The following LIMS1 variants were observed in gnomAD, a reference collection of about 807,000 sequenced individuals.
LIMS1 encodes the protein LIM and senescent cell antigen-like-containing domain protein 1.
In LIMS1, 18 loss-of-function variants were observed where a neutral mutation model predicts 44.1. That is an observed-to-expected ratio of 0.41 (90% CI 0.28 to 0.61). LIMS1 has a LOEUF of 0.61. Ranked by LOEUF, LIMS1 falls within the 20% of genes least tolerant of loss-of-function variation. LIMS1 has a pLI of 0.32. For missense variants in LIMS1, 201 were observed against 422.0 expected (o/e 0.48, Z 4.59); for synonymous variants, 93 against 149.1 (o/e 0.62, Z 2.74).
chr2:108,642,354 TTTTG>T (rs1553464986), intron 1 of LIMS1, among the ~76,000 whole-genome samples: 13 of 10,644 alleles, frequency 1.2e-3, no homozygotes, highest in Admixed American at 4.1e-3. Context: ...TTTTTTTTTT[TTTTG>T]TTTTTTGTTT....
chr2:108,661,239 T>A (rs1481176864), intron 2 of LIMS1, among the ~76,000 whole-genome samples: 1 of 149,316 alleles, frequency 6.7e-6, no homozygotes, highest in African/African-American at 2.5e-5. Context: ...CTAGCACACA[T>A]TTTTTTAAGC....
At chr2:108,648,535 A>G (rs933653179) in intron 1 of LIMS1, among the ~76,000 whole-genome samples, 7 of 152,248 alleles carry the variant, frequency 4.6e-5, no homozygotes, top group African/African-American at 1.7e-4. Context: ...AGCTGGAGGC[A>G]TCACGCTACC....
chr2:108,543,457 T>C (rs890177073), intron 1 of LIMS1, among the ~76,000 whole-genome samples: 5 of 152,228 alleles, frequency 3.3e-5, no homozygotes, highest in Admixed American at 2.6e-4. Flanking sequence ...CCAAGAGTTT[T>C]GCCTAGGCCT....
chr2:108,620,961 G>A (rs1419522977), intron 1 of LIMS1, among the ~76,000 whole-genome samples: 1 of 152,190 alleles, frequency 6.6e-6, no homozygotes, highest in African/African-American at 2.4e-5. Flanking sequence ...TAAAACAGCA[G>A]GACCCTTCTT....
chr2:108,552,953 G>C (rs1208837110), intron 1 of LIMS1, among the ~76,000 whole-genome samples: 2 of 152,032 alleles, frequency 1.3e-5, no homozygotes, highest in African/African-American at 4.8e-5. Flanking sequence ...GGAAAATGAA[G>C]GATATTAATC....
At chr2:108,554,676 G>A (rs1278953220) in intron 1 of LIMS1, among the ~76,000 whole-genome samples, 2 of 152,180 alleles carry the variant, frequency 1.3e-5, no homozygotes, top group African/African-American at 4.8e-5. Flanking sequence ...CAGCTGAGAG[G>A]AGTGTGCTGG....
At chr2:108,642,343 TTTTTTTTTTTTTTTGTTTTTTG>T (rs1223677657) in intron 1 of LIMS1, among the ~76,000 whole-genome samples, 3,589 of 12,896 alleles carry the variant, frequency 0.28, 375 homozygotes, top group East Asian at 0.47. Flanking sequence ...GTGTTTTTTG[TTTTTTTTTTTTTTTGTTTTTTG>T]TTTTTTTTTT....
chr2:108,684,206 C>G (rs574472611), exon 10 of LIMS1: 1 of 297,948 alleles, frequency 3.4e-6, no homozygotes, highest in East Asian at 6.4e-5. Flanking sequence ...TTTGTTAACC[C>G]TTATCCATTT....
intron 1 of LIMS1, chr2:108,588,270 GAAA>G: frequency 1.2e-6 from 1 of 802,710 alleles, no homozygotes; most frequent in Non-Finnish European, 1.5e-6. Flanking sequence ...CTAAATACAG[GAAA>G]AAAAAAAACC....
intron 1 of LIMS1, among the ~76,000 whole-genome samples, chr2:108,620,132 C>T (rs1413999545): frequency 6.6e-6 from 1 of 152,170 alleles, no homozygotes; most frequent in Non-Finnish European, 1.5e-5. Context: ...GGGGAACTAG[C>T]ATCTGTGTCC....
chr2:108,670,545 C>G (rs1366346930), intron 2 of LIMS1, among the ~76,000 whole-genome samples: 3 of 152,116 alleles, frequency 2.0e-5, no homozygotes. Context: ...TCACCAGTCC[C>G]TGTAGGTGTA....
chr2:108,540,190 T>C (rs895949997), intron 1 of LIMS1, among the ~76,000 whole-genome samples: 6 of 139,678 alleles, frequency 4.3e-5, no homozygotes, highest in Admixed American at 3.2e-4. Flanking sequence ...AAAGTACAGA[T>C]TCCTTTTTTT....
At chr2:108,663,864 C>T (rs1171495102) in intron 2 of LIMS1, among the ~76,000 whole-genome samples, 2 of 151,978 alleles carry the variant, frequency 1.3e-5, no homozygotes, top group African/African-American at 4.8e-5. Flanking sequence ...GAGTGCTTCT[C>T]CTGCCTGAGG....
chr2:108,584,747 C>T (rs1686025710), intron 1 of LIMS1, among the ~76,000 whole-genome samples: 6 of 152,016 alleles, frequency 3.9e-5, no homozygotes, highest in South Asian at 2.1e-4. Context: ...CCGAGGTCAG[C>T]GTGAGCAGCA....
intron 1 of LIMS1, among the ~76,000 whole-genome samples, chr2:108,572,666 G>C (rs1685522549): frequency 6.6e-6 from 1 of 152,106 alleles, no homozygotes; most frequent in Non-Finnish European, 1.5e-5. Context: ...TTACATGCAT[G>C]AGCCACTACG....
chr2:108,678,841 A>T (rs2912864), intron 8 of LIMS1, among the ~76,000 whole-genome samples: 11 of 152,232 alleles, frequency 7.2e-5, no homozygotes, highest in Admixed American at 2.0e-4. Context: ...TCATATTTCC[A>T]TGTTGGGCCA....
At chr2:108,657,524 G>A (rs1177016594) in intron 1 of LIMS1, among the ~76,000 whole-genome samples, 3 of 152,284 alleles carry the variant, frequency 2.0e-5, no homozygotes, top group Non-Finnish European at 2.9e-5. Flanking sequence ...GTGGACTTTG[G>A]TCAGAAAGAG....
At chr2:108,598,063 C>A (rs1686808902) in intron 1 of LIMS1, among the ~76,000 whole-genome samples, 1 of 151,618 alleles carries the variant, frequency 6.6e-6, no homozygotes, top group Admixed American at 6.6e-5. Context: ...CTAATATATC[C>A]TTGTTTCTCA....
At chr2:108,627,889 G>T (rs1159618843) in intron 1 of LIMS1, among the ~76,000 whole-genome samples, 1 of 151,980 alleles carries the variant, frequency 6.6e-6, no homozygotes, top group Non-Finnish European at 1.5e-5. Flanking sequence ...TTTTTAAATG[G>T]TTATATCTGT....
Sources: gnomAD v4.1 joint callset for allele counts (sites outside exome capture counted in the v4.1 genomes callset) on GRCh38, gnomAD v4.1.1 for gene constraint, MANE v1.5 for transcripts, NCBI Gene and HGNC (gene_info 2026-07-23, HGNC 2026-07-21) for gene names.